SYT7: variants seen among roughly 807,000 people sequenced by gnomAD.
SYT7 encodes the protein synaptotagmin-7.
A neutral mutation model predicts 75.1 loss-of-function variants in SYT7; 29 were observed. That is an observed-to-expected ratio of 0.39 (90% CI 0.29 to 0.53). SYT7 has a LOEUF of 0.53. SYT7 is among the 20% of genes least tolerant of loss of function. SYT7 has a pLI of 0.77. For missense variants in SYT7, 693 were observed against 953.2 expected (o/e 0.73, Z 3.59); for synonymous variants, 376 against 401.7 (o/e 0.94, Z 0.76).
In SYT7 at chr11:61,553,100, G is replaced by A. The variant is rs2063398732; in HGVS notation, c.136-1637C>T. Among the ~76,000 whole-genome samples, 1 of 152,112 alleles carries A rather than the reference G, an allele frequency of 6.6e-6. No individual in the cohort carries two copies. The highest frequency in any genetic ancestry group is 2.4e-5 in the African/African-American group (1 of 41,400). ...AGCGACCTCTAAGTCAGAACTTTAA[G>A]AGTTGAAATATAGAGATGCCGGACA... On this transcript the variant is annotated intron_variant, in intron 2 of 12. Coordinates refer to ENST00000539008, the MANE Select transcript of SYT7 (RefSeq NM_001365809.2). The surrounding 1 kb of genome is among the most constrained non-coding windows in gnomAD (Gnocchi z 5.2).
chr11:61,554,607 G>A (rs1024591192), intron 2 of SYT7, among the ~76,000 whole-genome samples: 6 of 152,128 alleles, frequency 3.9e-5, no homozygotes, highest in Admixed American at 6.5e-5. Context: ...CAGCAAGACA[G>A]CCTAAGGGGC....
upstream of SYT7, among the ~76,000 whole-genome samples, chr11:61,582,166 C>T (rs1376125074): frequency 6.6e-6 from 1 of 151,866 alleles, no homozygotes; most frequent in Non-Finnish European, 1.5e-5. Context: ...CAAAGAGACA[C>T]ATACACTGAC....
chr11:61,564,187 G>C (rs1324896397), intron 1 of SYT7, among the ~76,000 whole-genome samples: 1 of 152,146 alleles, frequency 6.6e-6, no homozygotes, highest in African/African-American at 2.4e-5. Flanking sequence ...GAAGCTGCTG[G>C]ACATGCTGGG....
chr11:61,555,808 C>A (rs780832422), intron 2 of SYT7, among the ~76,000 whole-genome samples: 3 of 151,926 alleles, frequency 2.0e-5, no homozygotes, highest in Non-Finnish European at 4.4e-5. Context: ...TAGCTGCTCG[C>A]GTGCGAATGC....
chr11:61,533,370 TG>T (rs2062769090), intron 7 of SYT7: 1 of 985,300 alleles, frequency 1.0e-6, no homozygotes, highest in South Asian at 4.7e-5. Flanking sequence ...GGGGATATTT[TG>T]GGGGGTGTCC....
chr11:61,572,114 G>A (rs1261381433), intron 1 of SYT7, among the ~76,000 whole-genome samples: 1 of 149,758 alleles, frequency 6.7e-6, no homozygotes, highest in African/African-American at 2.5e-5. Context: ...GAGGAATGAG[G>A]TTGGGGGGGG....
intron 6 of SYT7, chr11:61,540,386 G>A (rs1044073063): frequency 3.5e-5 from 18 of 508,562 alleles, no homozygotes; most frequent in Admixed American, 1.3e-4. Context: ...TACGGCCCAC[G>A]AGCTAAGAGT....
intron 7 of SYT7, among the ~76,000 whole-genome samples, chr11:61,535,054 T>G (rs369055555): frequency 6.6e-6 from 1 of 151,926 alleles, no homozygotes; most frequent in African/African-American, 2.4e-5. Flanking sequence ...CTGGGAAAGA[T>G]AGTCAGCGCC....
chr11:61,570,063 C>T (rs2063881316), intron 1 of SYT7, among the ~76,000 whole-genome samples: 1 of 152,258 alleles, frequency 6.6e-6, no homozygotes, highest in African/African-American at 2.4e-5. Flanking sequence ...GCAACACGAC[C>T]AGGAACTTCT....
intron 1 of SYT7, among the ~76,000 whole-genome samples, chr11:61,574,820 A>G (rs920695258): frequency 1.3e-5 from 2 of 152,052 alleles, no homozygotes; most frequent in African/African-American, 4.8e-5. Flanking sequence ...ACACCACCCC[A>G]TGGTAATGAG....
At chr11:61,533,358 T>C (rs2062768785) in intron 7 of SYT7, 4 of 985,250 alleles carry the variant, frequency 4.1e-6, no homozygotes, top group African/African-American at 3.5e-5. Flanking sequence ...ACTACTCCTA[T>C]AGGGGATATT....
intron 7 of SYT7, among the ~76,000 whole-genome samples, chr11:61,534,909 C>T (rs1010824472): frequency 2.6e-5 from 4 of 152,116 alleles, no homozygotes; most frequent in Non-Finnish European, 4.4e-5. Context: ...GAAAGGAGCC[C>T]GAAACAGCTG....
intron 7 of SYT7, among the ~76,000 whole-genome samples, chr11:61,535,240 C>G (rs1234502855): frequency 6.6e-6 from 1 of 152,188 alleles, no homozygotes; most frequent in African/African-American, 2.4e-5. Context: ...CGGGCGAAGG[C>G]TGCCGGGTGG....
chr11:61,546,966 C>T lies in SYT7; in HGVS notation c.347+211G>A, dbSNP rs376220208. Reference sequence around the variant, plus strand: ...GCAAGGCTGGCCCTGGGGGAGGGGACGGGAGCGGGCAGGCAGGTGGGTTGG... The same window carrying T: ...GCAAGGCTGGCCCTGGGGGAGGGGATGGGAGCGGGCAGGCAGGTGGGTTGG... On this transcript the variant is annotated intron_variant, in intron 4 of 12. Transcript: ENST00000539008. This position sits in a 1 kb window ranked among gnomAD's most constrained non-coding sequence, Gnocchi z 7.6. 1.3e-5 allele frequency among the ~76,000 whole-genome samples: 2 copies of T among 151,420 alleles called. No homozygotes were observed. The highest frequency in any genetic ancestry group is 2.0e-4 in the East Asian group (1 of 5,114).
chr11:61,567,572 G>A (rs575418842), intron 1 of SYT7, among the ~76,000 whole-genome samples: 21 of 152,312 alleles, frequency 1.4e-4, no homozygotes, highest in African/African-American at 4.8e-4. Flanking sequence ...GTGACCTCAA[G>A]AGCCCCCTTT....
intron 7 of SYT7, among the ~76,000 whole-genome samples, chr11:61,534,963 AGT>A (rs2062824212): frequency 6.6e-6 from 1 of 152,184 alleles, no homozygotes; most frequent in Non-Finnish European, 1.5e-5. Flanking sequence ...GAGCAGGGAG[AGT>A]GTGAGATTGA....
Position 61,524,085 on chromosome 11 carries a change from C to T in SYT7, c.1642-144G>A, listed in dbSNP as rs574533830. The T allele has an allele frequency of 2.0e-4, 164 of 813,968 alleles. 1 individual carries two copies. In the East Asian group the frequency reaches 4.1e-3, roughly 21 times the overall value. The allele number at this position is 813,968 out of a possible 1,614,324, so 50.4% of individuals were successfully genotyped here. A position where few individuals can be genotyped will look rare whatever the true frequency, so the allele number is the denominator to read the frequency against. On this transcript the variant is annotated intron_variant, in intron 10 of 12. Transcript: ENST00000539008. The surrounding 1 kb of genome is among the most constrained non-coding windows in gnomAD (Gnocchi z 4.1). ...ACCTCTGTCTCACTCTGTCTCCCCC[C>T]ATCTGGCAGGTGTGTGTACTGCCCC...
upstream of SYT7, among the ~76,000 whole-genome samples, chr11:61,584,225 T>TA (rs1185810889): frequency 7.2e-3 from 1,036 of 143,408 alleles, 11 homozygotes; most frequent in African/African-American, 0.023. Context: ...CCATCTCTAC[T>TA]AAAAAAAAAA....
Position 61,523,094 on chromosome 11 carries a change from C to A in SYT7, c.1937G>T (p.Arg646Leu). ...CCCTACCTTGCCGATGACGTCATTG[C>A]GGCTGAGCTTGTCCTTGTCCATGAC... is the stretch of plus-strand genomic sequence containing the variant. The part of the protein sequence containing the change: ...ITVMDKDKLS[R>L]NDVIGKIYLS... The change falls in exon 12 of 13, where the codon CGC becomes CTC. Residue 646 changes from arginine to leucine, a missense_variant. Physicochemically the swap from Arg to Leu is moderately radical, Grantham distance 102. Transcript: ENST00000539008. This position sits in a 1 kb window ranked among gnomAD's most constrained non-coding sequence, Gnocchi z 5.0. 1 of 1,614,168 alleles carries A rather than the reference C, an allele frequency of 6.2e-7. No individual in the cohort carries two copies. The highest frequency in any genetic ancestry group is 8.5e-7 in the Non-Finnish European group (1 of 1,180,034).
Sources: allele counts gnomAD v4.1 joint callset (sites outside exome capture counted in the v4.1 genomes callset), GRCh38; gene constraint gnomAD v4.1.1; non-coding constraint Gnocchi (gnomAD v3.1); transcripts MANE v1.5; gene names NCBI Gene and HGNC (gene_info 2026-07-23, HGNC 2026-07-21).